Variants in FAM86B1 observed in about 807,000 individuals in gnomAD.
FAM86B1 encodes family with sequence similarity 86 member B1 (gene/pseudogene), also known as putative protein N-methyltransferase FAM86B1.
For synonymous variants in FAM86B1, 4 were observed against 137.6 expected (o/e 0.03, Z 6.79); for missense variants, 13 against 328.1 (o/e 0.04, Z 7.42).
chr8:12,191,119 TG>T (rs1806796040), intron 2 of FAM86B1, among the ~76,000 whole-genome samples: 2 of 45,022 alleles, frequency 4.4e-5, no homozygotes, highest in Non-Finnish European at 4.3e-5. Flanking sequence ...GCTCCTAGGA[TG>T]GGCTGGGTGG....
At position 12,182,497 on chromosome 8, in the gene FAM86B1, T is replaced by C; in HGVS notation, c.*1109A>G. ...GTTAGGGACTTGGGAGGGGTTGTTG[T>C]TGGGTCGGGGACCTGGGGTCATCCA... On this transcript the variant is annotated 3_prime_UTR_variant, in exon 7 of 7. Coordinates refer to ENST00000448228, the MANE Select transcript of FAM86B1 (RefSeq NM_001083537.4). 1 of 1,391,970 alleles carries C rather than the reference T, an allele frequency of 7.2e-7. No individual in the cohort carries two copies. Among genetic ancestry groups the C allele is most frequent in the Non-Finnish European group, 9.8e-7 (1 of 1,019,058 alleles). 86.2% of individuals were successfully genotyped at this position (1,391,970 alleles called of 1,614,324 possible). A position where few individuals can be genotyped will look rare whatever the true frequency, so the allele number is the denominator to read the frequency against.
chr8:12,190,698 C>T (rs1262493032), intron 2 of FAM86B1, among the ~76,000 whole-genome samples: 3 of 86,334 alleles, frequency 3.5e-5, no homozygotes, highest in Non-Finnish European at 4.4e-5. Flanking sequence ...GATTCTCCTG[C>T]CTCAGCCTCC....
At chr8:12,192,897 C>G (rs1432781021) in intron 1 of FAM86B1, among the ~76,000 whole-genome samples, 263 of 148,666 alleles carry the variant, frequency 1.8e-3, no homozygotes, top group Middle Eastern at 3.5e-3. Flanking sequence ...CATTATATCC[C>G]CCATTTTATT....
chr8:12,194,511 C>T (rs1807509326), upstream of FAM86B1: 1 of 222,502 alleles, frequency 4.5e-6, no homozygotes. Context: ...GGTCTTAGGG[C>T]GGGGCTAAGG....
At chr8:12,190,916 A>G (rs1806738346) in intron 2 of FAM86B1, among the ~76,000 whole-genome samples, 1 of 108,112 alleles carries the variant, frequency 9.2e-6, no homozygotes, top group Non-Finnish European at 1.8e-5. Context: ...AGCTCTCCCT[A>G]CATCTCATGC....
At chr8:12,192,898 C>A (rs1249617881) in intron 1 of FAM86B1, among the ~76,000 whole-genome samples, 1 of 149,498 alleles carries the variant, frequency 6.7e-6, no homozygotes, top group Non-Finnish European at 1.5e-5. Flanking sequence ...ATTATATCCC[C>A]CATTTTATTA....
chr8:12,184,151 GT>G (rs1330139979), intron 6 of FAM86B1, among the ~76,000 whole-genome samples: 2 of 27,340 alleles, frequency 7.3e-5, no homozygotes, highest in East Asian at 8.0e-4. Flanking sequence ...GATATTGCAG[GT>G]TTTTTTTCAC....
At chr8:12,183,877 AC>A (rs1805345960) in intron 6 of FAM86B1, among the ~76,000 whole-genome samples, 171 bp from the exon 7 acceptor site, 1 of 28,948 alleles carries the variant, frequency 3.5e-5, no homozygotes, top group Non-Finnish European at 5.6e-5. Context: ...CCAGGATGGG[AC>A]CAGAACTCTG....
upstream of FAM86B1, chr8:12,194,198 G>T: frequency 1.1e-6 from 1 of 946,406 alleles, no homozygotes. Flanking sequence ...GGGTCAGGAG[G>T]TGCGTCCTGG....
rs1183516026 is a variant in FAM86B1 at position 12,191,727 on chromosome 8, G to A, written c.159+52C>T. ...CTGTGCTGCTTCTCTCAGGTCTTCC[G>A]GAGAGATTCAAGAGGCAGGATCATG... On this transcript the variant is annotated intron_variant, in intron 2 of 6. Transcript: ENST00000448228. 1.7e-5 allele frequency: 16 copies of A among 917,598 alleles called. 2 individuals are homozygous for A. Among genetic ancestry groups the A allele is most frequent in the African/African-American group, 1.4e-4 (4 of 28,306 alleles). 56.8% of individuals were successfully genotyped at this position (917,598 alleles called of 1,614,324 possible).
chr8:12,193,366 T>C (rs1807258302), intron 1 of FAM86B1, among the ~76,000 whole-genome samples: 1 of 142,652 alleles, frequency 7.0e-6, no homozygotes, highest in African/African-American at 3.0e-5. Context: ...GAATTACAAA[T>C]GGAACGGGGT....
chr8:12,188,833 G>A (rs1460570297), intron 3 of FAM86B1, among the ~76,000 whole-genome samples: 1 of 97,280 alleles, frequency 1.0e-5, no homozygotes, highest in Middle Eastern at 4.3e-3. Context: ...TATTGGAGAA[G>A]CAGGGGATTG....
In FAM86B1 at chr8:12,182,314, C is replaced by T. The variant is rs569177644; in HGVS notation, c.*1292G>A. 42 of 361,108 alleles carry T rather than the reference C, an allele frequency of 1.2e-4. No individual in the cohort carries two copies. The highest frequency in any genetic ancestry group is 9.0e-4 in the Middle Eastern group (1 of 1,108). 22.4% of individuals were successfully genotyped at this position (361,108 alleles called of 1,614,324 possible). A position where few individuals can be genotyped will look rare whatever the true frequency, so the allele number is the denominator to read the frequency against. ...AGGGGAACGTACAGCATGTAGAGGC[C>T]GGAAGGTGCTCCAGGGCACCAAGTG... On this transcript the variant is annotated 3_prime_UTR_variant, in exon 7 of 7. Coordinates refer to ENST00000448228, the MANE Select transcript of FAM86B1 (RefSeq NM_001083537.4).
Position 12,182,513 on chromosome 8 carries a change from G to A in FAM86B1, c.*1093C>T, listed in dbSNP as rs1050465467. 4 of 1,478,054 alleles carry A rather than the reference G, an allele frequency of 2.7e-6. No homozygotes were observed. Among genetic ancestry groups the A allele is most frequent in the African/African-American group, 2.9e-5 (2 of 68,784 alleles). The allele number at this position is 1,478,054 out of a possible 1,614,324, so 91.6% of individuals were successfully genotyped here. On this transcript the variant is annotated 3_prime_UTR_variant, in exon 7 of 7. Transcript: ENST00000448228. ...GGGTTGTTGTTGGGTCGGGGACCTG[G>A]GGTCATCCAAGTGGTGACCTGGGAT...
chr8:12,194,287 G>A (rs1454227505), upstream of FAM86B1, among the ~76,000 whole-genome samples: 3 of 148,068 alleles, frequency 2.0e-5, no homozygotes, highest in South Asian at 4.1e-4. Context: ...CGACATCGGG[G>A]CAGGTCCTGG....
At chr8:12,190,748 C>A (rs1415771419) in intron 2 of FAM86B1, among the ~76,000 whole-genome samples, 19 of 103,092 alleles carry the variant, frequency 1.8e-4, no homozygotes, top group Middle Eastern at 4.1e-3. Context: ...CCACACCCAG[C>A]TAATTTTTTT....
Position 12,182,355 on chromosome 8 carries a change from T to C in FAM86B1, c.*1251A>G. 4.0e-6 allele frequency: 2 copies of C among 506,046 alleles called. No individual in the cohort carries two copies. Among genetic ancestry groups the C allele is most frequent in the Admixed American group, 3.3e-5 (1 of 30,330 alleles). 31.3% of individuals were successfully genotyped at this position (506,046 alleles called of 1,614,324 possible). On this transcript the variant is annotated 3_prime_UTR_variant, in exon 7 of 7. Transcript: ENST00000448228. Reference sequence around the variant, plus strand: ...GCACCAAGTGTGGGAAAGTGGGACATACGGGGAAGTTTCCAGAAAGCATGA... The same window carrying C: ...GCACCAAGTGTGGGAAAGTGGGACACACGGGGAAGTTTCCAGAAAGCATGA...
chr8:12,189,356 T>A (rs1398290573), intron 3 of FAM86B1, among the ~76,000 whole-genome samples: 2 of 116,424 alleles, frequency 1.7e-5, no homozygotes, highest in Non-Finnish European at 3.3e-5. Flanking sequence ...TCCAGCAGGA[T>A]CAATGCAGAG....
In FAM86B1 at chr8:12,186,540, A is replaced by C; in HGVS notation, c.452T>G (p.Ile151Ser). 6.2e-7 allele frequency: 1 copy of C among 1,611,180 alleles called. No individual in the cohort carries two copies. Among genetic ancestry groups the C allele is most frequent in the Non-Finnish European group, 8.5e-7 (1 of 1,179,444 alleles). The change falls in exon 5 of 7, where the codon ATC (isoleucine) becomes AGC (serine). Residue 151 changes from isoleucine to serine, a missense_variant. Coordinates refer to ENST00000448228, the MANE Select transcript of FAM86B1 (RefSeq NM_001083537.4). ...ICKMCRPRAYIFSDPHSRVLE... is the reference protein window; with the variant it reads ...ICKMCRPRAYSFSDPHSRVLE... ...GACCCGGCTGTGAGGGTCGCTGAAGATGTATGCCCGGGGGCGGCACATCTT... is the reference window on the plus strand; with the variant it reads ...GACCCGGCTGTGAGGGTCGCTGAAGCTGTATGCCCGGGGGCGGCACATCTT...
Sources: allele counts gnomAD v4.1 joint callset (sites outside exome capture counted in the v4.1 genomes callset), GRCh38; gene constraint gnomAD v4.1.1; transcripts MANE v1.5; gene names NCBI Gene and HGNC (gene_info 2026-07-23, HGNC 2026-07-21).